Variants in SAMD12 observed in about 807,000 individuals in gnomAD.
SAMD12 encodes sterile alpha motif domain containing 12.
SAMD12 carries 9 observed loss-of-function variants against 15.0 expected under a neutral mutation model. The observed-to-expected ratio is 0.60, with a 90% confidence interval of 0.36 to 1.05. SAMD12 has a LOEUF of 1.05. Ranked by LOEUF, SAMD12 falls within the 50% of genes least tolerant of loss-of-function variation. The pLI, the probability that SAMD12 is intolerant of heterozygous loss-of-function variation, is 0.01. For missense variants in SAMD12, 230 were observed against 234.2 expected (o/e 0.98, Z 0.12); for synonymous variants, 86 against 90.1 (o/e 0.96, Z 0.25).
At chr8:118,559,628 T>A (rs1284921118) in intron 2 of SAMD12, among the ~76,000 whole-genome samples, 1 of 152,228 alleles carries the variant, frequency 6.6e-6, no homozygotes, top group East Asian at 1.9e-4. Context: ...ATATGTGACA[T>A]GCACTTGGAA....
chr8:118,415,133 G>A (rs1821616120), intron 3 of SAMD12, among the ~76,000 whole-genome samples: 1 of 152,160 alleles, frequency 6.6e-6, no homozygotes, highest in East Asian at 1.9e-4. Context: ...TAGCCTGTGT[G>A]AAAGCTCCCC....
Position 118,379,121 on chromosome 8 carries a change from T to C in SAMD12, c.*296A>G. 5 of 1,124,632 alleles carry C rather than the reference T, an allele frequency of 4.4e-6. No individual in the cohort carries two copies. Among genetic ancestry groups the C allele is most frequent in the Non-Finnish European group, 5.5e-6 (5 of 915,900 alleles). The allele number at this position is 1,124,632 out of a possible 1,614,324, so 69.7% of individuals were successfully genotyped here. On this transcript the variant is annotated 3_prime_UTR_variant, in exon 4 of 4. Transcript: ENST00000314727. ...ACAAAAACTCCACTTATATCACTGG[T>C]CATCGTAACTATTGAATCACTCAAA...
intron 2 of SAMD12, among the ~76,000 whole-genome samples, chr8:118,550,216 C>T (rs569452586): frequency 4.7e-4 from 71 of 152,214 alleles, no homozygotes; most frequent in African/African-American, 1.6e-3. Flanking sequence ...AACTCCAAGA[C>T]ACATAATTGT....
chr8:118,223,996 T>C (rs184369105), intron 4 of SAMD12, among the ~76,000 whole-genome samples: 24 of 152,376 alleles, frequency 1.6e-4, no homozygotes, highest in Non-Finnish European at 5.9e-5. Flanking sequence ...TGCCAGGCTC[T>C]ATTCTCGATC....
At chr8:118,312,667 G>A (rs1161058125) in intron 4 of SAMD12, among the ~76,000 whole-genome samples, 1 of 152,120 alleles carries the variant, frequency 6.6e-6, no homozygotes, top group Non-Finnish European at 1.5e-5. Context: ...TATCCATGCA[G>A]GACAGGCTCT....
At chr8:118,266,597 T>C (rs988340292) in intron 4 of SAMD12, among the ~76,000 whole-genome samples, 1 of 152,138 alleles carries the variant, frequency 6.6e-6, no homozygotes, top group African/African-American at 2.4e-5. Context: ...CAAGTGTTGG[T>C]CAGTGAGGAA....
intron 3 of SAMD12, among the ~76,000 whole-genome samples, chr8:118,382,892 A>C (rs1045516268): frequency 6.6e-6 from 1 of 152,176 alleles, no homozygotes; most frequent in Non-Finnish European, 1.5e-5. Context: ...GTATACCAAA[A>C]ATTTTATTAA....
chr8:118,533,313 T>C (rs1825741078), intron 2 of SAMD12, among the ~76,000 whole-genome samples: 1 of 152,252 alleles, frequency 6.6e-6, no homozygotes, highest in Non-Finnish European at 1.5e-5. Context: ...GACAGTTTGT[T>C]ATAATTTCTG....
At chr8:118,554,576 A>G (rs1373318496) in intron 2 of SAMD12, among the ~76,000 whole-genome samples, 2 of 151,930 alleles carry the variant, frequency 1.3e-5, no homozygotes, top group African/African-American at 4.8e-5. Context: ...ACCTAATGCT[A>G]GATGACGAGT....
intron 4 of SAMD12, among the ~76,000 whole-genome samples, chr8:118,238,398 G>A (rs750428329): frequency 6.6e-6 from 1 of 152,086 alleles, no homozygotes; most frequent in Non-Finnish European, 1.5e-5. Context: ...GGCAGTAAGT[G>A]CATTCTCATT....
intron 4 of SAMD12, among the ~76,000 whole-genome samples, chr8:118,345,646 T>C (rs1322293578): frequency 6.6e-6 from 1 of 152,220 alleles, no homozygotes; most frequent in Non-Finnish European, 1.5e-5. Flanking sequence ...TAGAGAATTA[T>C]CTGTCCAACT....
chr8:118,236,560 T>G (rs1812435392), intron 4 of SAMD12, among the ~76,000 whole-genome samples: 1 of 152,192 alleles, frequency 6.6e-6, no homozygotes, highest in African/African-American at 2.4e-5. Flanking sequence ...AAATAATGGA[T>G]TATTACAGAA....
chr8:118,427,966 A>C (rs1822283376), intron 3 of SAMD12, among the ~76,000 whole-genome samples: 3 of 152,180 alleles, frequency 2.0e-5, no homozygotes, highest in African/African-American at 7.2e-5. Flanking sequence ...AATTTAAGCC[A>C]TTCTACTGGG....
intron 2 of SAMD12, among the ~76,000 whole-genome samples, chr8:118,495,573 AT>A (rs1824586347): frequency 7.5e-6 from 1 of 133,026 alleles, no homozygotes; most frequent in African/African-American, 2.9e-5. Context: ...TTTTTACCTT[AT>A]CTCTTTAATT....
chr8:118,173,907 G>A, the SAMD12 span, among the ~76,000 whole-genome samples: 4 of 152,000 alleles, frequency 2.6e-5, no homozygotes, highest in African/African-American at 9.7e-5. Context: ...TGGGATTGCA[G>A]GCATGAGCCA....
At chr8:118,310,851 A>G (rs1815592430) in intron 4 of SAMD12, among the ~76,000 whole-genome samples, 1 of 152,164 alleles carries the variant, frequency 6.6e-6, no homozygotes, top group African/African-American at 2.4e-5. Flanking sequence ...CCTTCACCTG[A>G]GCCCTAACTA....
chr8:118,373,866 A>G (rs1819238769), downstream of SAMD12, among the ~76,000 whole-genome samples: 1 of 152,196 alleles, frequency 6.6e-6, no homozygotes, highest in African/African-American at 2.4e-5. Context: ...CCCCAAAAAT[A>G]GTTCCACACT....
At chr8:118,197,009 T>C (rs1819584041) in exon 5 of SAMD12, 1 of 151,986 alleles carries the variant, frequency 6.6e-6, no homozygotes, top group African/African-American at 2.4e-5. Flanking sequence ...ATTGTGGCCA[T>C]ATTTACATCA....
intron 2 of SAMD12, among the ~76,000 whole-genome samples, chr8:118,527,493 T>A (rs1383980423): frequency 3.3e-5 from 5 of 152,258 alleles, no homozygotes; most frequent in African/African-American, 1.2e-4. Flanking sequence ...GGCATACAAT[T>A]TTATAATCAG....
Sources: allele counts gnomAD v4.1 joint callset (sites outside exome capture counted in the v4.1 genomes callset), GRCh38; gene constraint gnomAD v4.1.1; transcripts MANE v1.5; gene names NCBI Gene and HGNC (gene_info 2026-07-23, HGNC 2026-07-21).